BPI: variants seen among roughly 807,000 people sequenced by gnomAD.
BPI encodes bactericidal permeability increasing protein, also known as bactericidal permeability-increasing protein.
Under a neutral mutation model 57.6 loss-of-function variants are expected in BPI, and 48 were observed. The observed-to-expected ratio is 0.83, with a 90% CI of 0.66 to 1.06. The LOEUF (loss-of-function observed/expected upper bound fraction) is 1.06, where lower values mean the gene tolerates loss of function less well. Ranked by LOEUF, BPI falls within the 50% of genes least tolerant of loss-of-function variation. The pLI is 0.00. For missense variants in BPI, 651 were observed against 609.7 expected, an observed-to-expected ratio of 1.07 and a Z score of -0.71; for synonymous variants, 237 against 238.2, an observed-to-expected ratio of 0.99 and a Z score of 0.05.
chr20:38,326,431 T>A lies in BPI; in HGVS notation c.1160T>A (p.Met387Lys). ...CTGGCTTCCCTCTTCCTGATTGGCA[T>A]GGTAAGCAGTTCCTGGGTTGGACAG... ...SSLASLFLIG[M>K]HTTGSMEVSA... Residue 387 changes from methionine to lysine, a missense_variant and splice_region_variant, in exon 10 of 15, where the codon ATG becomes AAG. Coordinates refer to ENST00000642449, the MANE Select transcript of BPI (RefSeq NM_001725.3). The A allele has an allele frequency of 1.2e-6, 2 of 1,612,714 alleles. No homozygotes were observed. The highest frequency in any genetic ancestry group is 1.7e-6 in the Non-Finnish European group (2 of 1,179,314).
chr20:38,327,199 A>C (rs919698433), intron 10 of BPI, among the ~76,000 whole-genome samples: 1 of 152,204 alleles, frequency 6.6e-6, no homozygotes, highest in Non-Finnish European at 1.5e-5. Context: ...TTGCAGACAG[A>C]ATAGGTCCTA....
chr20:38,307,827 A>T, intron 2 of BPI, 146 bp downstream of exon 2: 1 of 685,670 alleles, frequency 1.5e-6, no homozygotes, highest in Non-Finnish European at 2.3e-6. Context: ...AAGGGGAGGC[A>T]ACCTCCCAGC....
chr20:38,314,813 A>T (rs1020700279), intron 5 of BPI, among the ~76,000 whole-genome samples: 1 of 144,992 alleles, frequency 6.9e-6, no homozygotes, highest in African/African-American at 2.6e-5. Context: ...GATGATGGTG[A>T]TGGTGGGGAT....
chr20:38,324,356 A>T (rs938595532), intron 8 of BPI, among the ~76,000 whole-genome samples: 1 of 152,202 alleles, frequency 6.6e-6, no homozygotes, highest in African/African-American at 2.4e-5. Flanking sequence ...CTATGAGAGG[A>T]CCGAACACAG....
At position 38,337,215 on chromosome 20, in the gene BPI, A is replaced by C. The variant is rs1131847; in HGVS notation, c.*31A>C. Reference sequence around the variant, plus strand: ...CCAGGGGTGCCGGGGGCTGTCAGCCACACCTGTTCCTGATGGGCTGTGGGG... The same window carrying C: ...CCAGGGGTGCCGGGGGCTGTCAGCCCCACCTGTTCCTGATGGGCTGTGGGG... On this transcript the variant is annotated 3_prime_UTR_variant, in exon 15 of 15. Transcript: ENST00000642449. The C allele has an allele frequency of 1.5e-5, 24 of 1,566,858 alleles. No homozygotes were observed. The highest frequency in any genetic ancestry group is 2.1e-5 in the Non-Finnish European group (24 of 1,158,846).
intron 5 of BPI, among the ~76,000 whole-genome samples, chr20:38,315,734 TC>T (rs1315751979): frequency 1.3e-5 from 2 of 152,028 alleles, no homozygotes; most frequent in African/African-American, 4.8e-5. Flanking sequence ...TCCCTCCTTC[TC>T]ACTGCTGTCT....
chr20:38,336,212 A>C (rs922248277), intron 14 of BPI, among the ~76,000 whole-genome samples: 6 of 150,712 alleles, frequency 4.0e-5, no homozygotes, highest in Non-Finnish European at 3.0e-5. Flanking sequence ...TCTACCTGCC[A>C]CCTCCTCTGC....
intron 6 of BPI, 195 bp from the exon 7 acceptor site, chr20:38,319,988 G>A: frequency 1.7e-6 from 1 of 595,286 alleles, no homozygotes; most frequent in East Asian, 2.8e-5. Context: ...GAGAGTAAGG[G>A]GGTGTCTGTG....
intron 1 of BPI, among the ~76,000 whole-genome samples, chr20:38,306,486 A>G (rs1165241529): frequency 6.6e-6 from 1 of 152,230 alleles, no homozygotes; most frequent in Non-Finnish European, 1.5e-5. Context: ...TAAATGCATA[A>G]TTACAAATGG....
Position 38,331,069 on chromosome 20 carries a change from C to A in BPI, c.1251C>A (p.His417Gln). The A allele has an allele frequency of 6.2e-7, 1 of 1,614,146 alleles. No individual in the cohort carries two copies. Among genetic ancestry groups the A allele is most frequent in the Non-Finnish European group, 8.5e-7 (1 of 1,180,016 alleles). Residue 417 changes from histidine to glutamine, a missense_variant, in exon 12 of 15, where the codon CAC becomes CAA. Transcript: ENST00000642449. ...KLDRLLLELKHSNIGPFPVEL... is the reference protein window; with the variant it reads ...KLDRLLLELKQSNIGPFPVEL... ...ACAGGCTGCTCCTGGAACTGAAGCACTCAAATATTGGCCCCTTCCCGGTGA... is the reference window on the plus strand; with the variant it reads ...ACAGGCTGCTCCTGGAACTGAAGCAATCAAATATTGGCCCCTTCCCGGTGA...
At chr20:38,313,969 A>T (rs896215113) in intron 5 of BPI, among the ~76,000 whole-genome samples, 23 of 151,128 alleles carry the variant, frequency 1.5e-4, no homozygotes, top group African/African-American at 5.6e-4. Context: ...GATGATGGTG[A>T]TAGTGAGGTT....
intron 11 of BPI, among the ~76,000 whole-genome samples, chr20:38,329,140 G>A (rs1404647759): frequency 6.6e-6 from 1 of 152,102 alleles, no homozygotes; most frequent in Non-Finnish European, 1.5e-5. Flanking sequence ...AGACACAAAG[G>A]AAGGAAGGGA....
chr20:38,326,103 G>T (rs946313839), intron 9 of BPI, among the ~76,000 whole-genome samples, 162 bp from the exon 10 acceptor site: 3 of 152,214 alleles, frequency 2.0e-5, no homozygotes, highest in African/African-American at 4.8e-5. Flanking sequence ...ATGTGGTGAG[G>T]TTGGCAGGGT....
rs989438671 is a variant in BPI at position 38,328,200 on chromosome 20, G to A, written c.1229+545G>A. Among the ~76,000 whole-genome samples the A allele has an allele frequency of 2.6e-5, 4 of 152,318 alleles. No individual in the cohort carries two copies. The East Asian group carries it at 7.7e-4, about 29-fold the overall frequency. On this transcript the variant is annotated intron_variant, in intron 11 of 14. Transcript: ENST00000642449. ...CAACATGAGGCTGCCTGCGTTAAAA[G>A]TGTGGCTCACCTTGGCAAGCACCAA...
intron 6 of BPI, chr20:38,319,922 C>G: frequency 2.1e-6 from 1 of 476,614 alleles, no homozygotes; most frequent in Non-Finnish European, 3.8e-6. Context: ...AAGCCTAGGT[C>G]TCTCTGTGCC....
chr20:38,335,790 A>G (rs866773874), intron 14 of BPI, 116 bp downstream of exon 14: 52 of 984,802 alleles, frequency 5.3e-5, no homozygotes, highest in Middle Eastern at 4.2e-4. Flanking sequence ...TACCCTTACA[A>G]CAACTCTGGG....
chr20:38,305,911 A>G (rs1458773844), intron 1 of BPI, among the ~76,000 whole-genome samples: 1 of 152,174 alleles, frequency 6.6e-6, no homozygotes, highest in East Asian at 1.9e-4. Flanking sequence ...CCCTCATCTT[A>G]CTACTTACTC....
chr20:38,334,325 G>A, intron 12 of BPI, 105 bp from the exon 13 acceptor site: 1 of 1,137,624 alleles, frequency 8.8e-7, no homozygotes, highest in Non-Finnish European at 1.3e-6. Context: ...TTGCTGAGCA[G>A]CGCTAGGGGA....
intron 5 of BPI, among the ~76,000 whole-genome samples, chr20:38,315,651 A>T (rs1381662770): frequency 6.6e-6 from 1 of 152,156 alleles, no homozygotes; most frequent in Non-Finnish European, 1.5e-5. Flanking sequence ...GGAGAATGCC[A>T]GTCCAGGTCC....
Sources: allele counts gnomAD v4.1 joint callset (sites outside exome capture counted in the v4.1 genomes callset), GRCh38; gene constraint gnomAD v4.1.1; transcripts MANE v1.5; gene names NCBI Gene and HGNC (gene_info 2026-07-23, HGNC 2026-07-21).